CSNK2A2: variants seen among roughly 807,000 people sequenced by gnomAD.
The protein encoded by CSNK2A2 is casein kinase II subunit alpha'.
Under a neutral mutation model 54.0 loss-of-function variants are expected in CSNK2A2, and 8 were observed. The ratio of observed to expected loss-of-function variants is 0.15; its 90% CI spans 0.09 to 0.27. CSNK2A2 has a LOEUF of 0.27. CSNK2A2 is among the 10% of genes least tolerant of loss of function. The probability of loss-of-function intolerance (pLI) is 1.00; values close to 1 mark genes in which losing one functional copy is unlikely to be tolerated. For synonymous variants in CSNK2A2, 141 were observed against 153.9 expected, an observed-to-expected ratio of 0.92 and a Z score of 0.62; for missense variants, 242 against 439.4, an observed-to-expected ratio of 0.55 and a Z score of 4.02.
At chr16:58,165,800 A>C in intron 9 of CSNK2A2, 92 bp from the exon 10 acceptor site, 1 of 1,347,892 alleles carries the variant, frequency 7.4e-7, no homozygotes. Context: ...TCTCAGAATA[A>C]TGTACTGATT....
At chr16:58,166,137 C>T (rs1318704791) in intron 9 of CSNK2A2, among the ~76,000 whole-genome samples, 2 of 152,046 alleles carry the variant, frequency 1.3e-5, no homozygotes, top group Non-Finnish European at 2.9e-5. Context: ...TGCAATGTAC[C>T]TGAAAACTCA....
chr16:58,197,574 G>T lies in CSNK2A2; in HGVS notation c.104+59C>A, dbSNP rs983201321. 539 of 1,255,680 alleles carry T rather than the reference G, an allele frequency of 4.3e-4. 2 individuals are homozygous for T. The highest frequency in any genetic ancestry group is 1.3e-3 in the Middle Eastern group (5 of 3,768). 77.8% of individuals were successfully genotyped at this position (1,255,680 alleles called of 1,614,324 possible). A position where few individuals can be genotyped will look rare whatever the true frequency, so the allele number is the denominator to read the frequency against. ...CACCGGGCCCGAGTGCGGTTCGCAG[G>T]GGGTGGCCGGGCGGGGGCAGGGATC... is the stretch of plus-strand genomic sequence containing the variant. On this transcript the variant is annotated intron_variant, in intron 1 of 11. Coordinates refer to ENST00000262506, the MANE Select transcript of CSNK2A2 (RefSeq NM_001896.4). This position sits in a 1 kb window ranked among gnomAD's most constrained non-coding sequence, Gnocchi z 4.0.
chr16:58,183,675 T>C (rs930487137), intron 4 of CSNK2A2, among the ~76,000 whole-genome samples: 1 of 152,190 alleles, frequency 6.6e-6, no homozygotes, highest in Non-Finnish European at 1.5e-5. Context: ...GTTTTAATGT[T>C]TGAACAATAA....
intron 4 of CSNK2A2, among the ~76,000 whole-genome samples, chr16:58,179,436 G>A (rs566900367): frequency 2.0e-5 from 3 of 151,994 alleles, no homozygotes; most frequent in Admixed American, 2.0e-4. Flanking sequence ...AGGAGGCGGA[G>A]GTTACAGTGA....
intron 6 of CSNK2A2, 75 bp downstream of exon 6, chr16:58,168,535 T>C (rs946875688): frequency 8.0e-7 from 1 of 1,244,658 alleles, no homozygotes; most frequent in Non-Finnish European, 1.2e-6. Flanking sequence ...ACAGAAACCA[T>C]CATGGCACTG....
At chr16:58,164,264 G>C in intron 10 of CSNK2A2, 117 bp from the exon 11 acceptor site, 1 of 799,684 alleles carries the variant, frequency 1.3e-6, no homozygotes, top group Non-Finnish European at 2.1e-6. Context: ...GCCAGGGTCA[G>C]GGGGGCAACA....
chr16:58,170,353 T>C (rs1961700834), intron 5 of CSNK2A2, among the ~76,000 whole-genome samples: 1 of 152,084 alleles, frequency 6.6e-6, no homozygotes, highest in Admixed American at 6.6e-5. Context: ...ACATGTATAG[T>C]GCTTTGTCTA....
intron 11 of CSNK2A2, among the ~76,000 whole-genome samples, chr16:58,159,363 T>C (rs1244465210): frequency 6.6e-6 from 1 of 152,172 alleles, no homozygotes; most frequent in African/African-American, 2.4e-5. Context: ...AAGAGGCAGG[T>C]GTCTGAGTGG....
intron 5 of CSNK2A2, among the ~76,000 whole-genome samples, chr16:58,173,074 A>T (rs1361221261): frequency 1.3e-5 from 2 of 152,210 alleles, no homozygotes; most frequent in Non-Finnish European, 2.9e-5. Flanking sequence ...AGTGCATGGG[A>T]TTACTCAGGA....
intron 11 of CSNK2A2, chr16:58,159,904 GTTTT>G (rs3841618): frequency 6.6e-6 from 1 of 151,840 alleles, no homozygotes; most frequent in African/African-American, 2.4e-5. Flanking sequence ...ATTCAAAGTT[GTTTT>G]TTTTCTTTTT....
intron 4 of CSNK2A2, among the ~76,000 whole-genome samples, chr16:58,175,500 AG>A (rs1178142972): frequency 3.3e-5 from 5 of 152,198 alleles, no homozygotes; most frequent in Non-Finnish European, 5.9e-5. Context: ...CTCTGTAATA[AG>A]GGGGAAAATA....
intron 11 of CSNK2A2, chr16:58,163,098 T>C (rs561674937): frequency 1.3e-5 from 2 of 152,098 alleles, no homozygotes; most frequent in East Asian, 3.9e-4. Context: ...AAAATTCTAA[T>C]GGGATGTTTT....
At chr16:58,186,676 G>T in intron 3 of CSNK2A2, 79 bp downstream of exon 3, 1 of 945,322 alleles carries the variant, frequency 1.1e-6, no homozygotes, top group Non-Finnish European at 1.7e-6. Flanking sequence ...GTATCATTAC[G>T]TGAGGTTCTG....
intron 2 of CSNK2A2, among the ~76,000 whole-genome samples, chr16:58,194,569 G>C (rs768934259): frequency 2.6e-5 from 4 of 152,170 alleles, no homozygotes; most frequent in Non-Finnish European, 5.9e-5. Context: ...TCATTAACTA[G>C]GGGCCTCCCA....
intron 4 of CSNK2A2, among the ~76,000 whole-genome samples, chr16:58,182,554 C>CACA (rs1962081324): frequency 1.2e-5 from 1 of 80,662 alleles, no homozygotes; most frequent in Non-Finnish European, 2.6e-5. Context: ...GGCTCCGTCT[C>CACA]AAAAAAAAAA....
At chr16:58,177,365 A>G (rs1961910884) in intron 4 of CSNK2A2, among the ~76,000 whole-genome samples, 1 of 152,224 alleles carries the variant, frequency 6.6e-6, no homozygotes, top group Non-Finnish European at 1.5e-5. Flanking sequence ...GCAGGAAGTC[A>G]GCTTTGGTTA....
Position 58,186,748 on chromosome 16 carries a change from C to A in CSNK2A2, c.318+7G>T, listed in dbSNP as rs2142442611. 18 of 1,611,266 alleles carry A rather than the reference C, an allele frequency of 1.1e-5. No individual in the cohort carries two copies. The highest frequency in any genetic ancestry group is 1.5e-5 in the Non-Finnish European group (18 of 1,177,832). On this transcript the variant is annotated splice_region_variant and intron_variant, in intron 3 of 11. Coordinates refer to ENST00000262506, the MANE Select transcript of CSNK2A2 (RefSeq NM_001896.4). Reference sequence around the variant, plus strand: ...CTAGTATACTCCCCCAACCATTTGGCACCTACCACGGGGTCCTTTACAGTG... The same window carrying A: ...CTAGTATACTCCCCCAACCATTTGGAACCTACCACGGGGTCCTTTACAGTG...
chr16:58,173,374 C>G (rs1178123773), intron 5 of CSNK2A2, among the ~76,000 whole-genome samples: 1 of 152,158 alleles, frequency 6.6e-6, no homozygotes, highest in Non-Finnish European at 1.5e-5. Context: ...CTACAACTAC[C>G]CTAAAACTTT....
chr16:58,171,979 A>ATAT (rs1261137669), intron 5 of CSNK2A2, among the ~76,000 whole-genome samples: 10 of 66,186 alleles, frequency 1.5e-4, no homozygotes, highest in African/African-American at 8.4e-4. Context: ...ATATATATAT[A>ATAT]TTTTTTTTTT....
Sources: allele counts gnomAD v4.1 joint callset (sites outside exome capture counted in the v4.1 genomes callset), GRCh38; gene constraint gnomAD v4.1.1; non-coding constraint Gnocchi (gnomAD v3.1); transcripts MANE v1.5; gene names NCBI Gene and HGNC (gene_info 2026-07-23, HGNC 2026-07-21).